TNS3: variants seen among roughly 807,000 people sequenced by gnomAD.
TNS3 encodes tensin-3.
TNS3 carries 45 observed loss-of-function variants against 140.9 expected under a neutral mutation model. That is an observed-to-expected ratio of 0.32 (90% confidence interval 0.25 to 0.41). The LOEUF (loss-of-function observed/expected upper bound fraction) is 0.41. Among genes scored for constraint, TNS3 ranks in the 10% least tolerant of loss-of-function variants. TNS3 has a pLI of 1.00. For missense variants in TNS3, 1,716 were observed against 1,906.7 expected, an observed-to-expected ratio of 0.90 and a Z score of 1.86; for synonymous variants, 815 against 788.4, an observed-to-expected ratio of 1.03 and a Z score of -0.56.
intron 1 of TNS3, among the ~76,000 whole-genome samples, chr7:47,564,193 CAA>C (rs57005793): frequency 0.058 from 5,641 of 98,010 alleles, 131 homozygotes; most frequent in Middle Eastern, 0.14. Flanking sequence ...GACTCTGTCT[CAA>C]AAAAAAAAAA....
chr7:47,556,494 C>A (rs1056150816), intron 1 of TNS3, among the ~76,000 whole-genome samples: 1 of 152,198 alleles, frequency 6.6e-6, no homozygotes, highest in Non-Finnish European at 1.5e-5. Flanking sequence ...GCATCTGAAG[C>A]TCTGAGGTAG....
intron 16 of TNS3, among the ~76,000 whole-genome samples, chr7:47,389,248 T>C (rs1792365508): frequency 6.6e-6 from 1 of 151,988 alleles, no homozygotes; most frequent in Non-Finnish European, 1.5e-5. Flanking sequence ...AAACAAGCCA[T>C]CCACCTTGTA....
chr7:47,573,684 A>ACC (rs1247594117), intron 1 of TNS3, among the ~76,000 whole-genome samples: 1 of 152,004 alleles, frequency 6.6e-6, no homozygotes, highest in Non-Finnish European at 1.5e-5. Context: ...AGATAGAGCA[A>ACC]CCCACCACCC....
chr7:47,301,240 G>T (rs962459216), intron 23 of TNS3, among the ~76,000 whole-genome samples: 1 of 152,064 alleles, frequency 6.6e-6, no homozygotes, highest in Admixed American at 6.5e-5. Flanking sequence ...CCTCCACCAG[G>T]TGGCCACCGG....
chr7:47,399,189 G>A (rs767678162), intron 15 of TNS3, among the ~76,000 whole-genome samples: 6 of 150,468 alleles, frequency 4.0e-5, no homozygotes, highest in Non-Finnish European at 7.4e-5. Flanking sequence ...ACACAAACAA[G>A]TGGAAACACA....
chr7:47,326,658 T>C (rs1788040474), intron 20 of TNS3, among the ~76,000 whole-genome samples: 1 of 152,098 alleles, frequency 6.6e-6, no homozygotes, highest in South Asian at 2.1e-4. Context: ...CAAAATTCTT[T>C]TAATCTCACC....
chr7:47,545,792 G>A (rs1202925074), intron 1 of TNS3, among the ~76,000 whole-genome samples: 1 of 152,194 alleles, frequency 6.6e-6, no homozygotes, highest in Non-Finnish European at 1.5e-5. Flanking sequence ...GGGTAATGAA[G>A]CCCTAGGGGA....
intron 24 of TNS3, among the ~76,000 whole-genome samples, chr7:47,294,125 C>A (rs1473493478): frequency 6.6e-6 from 1 of 152,086 alleles, no homozygotes; most frequent in Non-Finnish European, 1.5e-5. Flanking sequence ...GCAAGAATCC[C>A]CAACGAAGGG....
chr7:47,579,688 T>A (rs1784484272), intron 1 of TNS3: 3 of 225,896 alleles, frequency 1.3e-5, no homozygotes, highest in Admixed American at 6.5e-5. Flanking sequence ...GCACATAGAG[T>A]CAGAGAACTG....
chr7:47,452,955 C>T (rs1562761252), intron 4 of TNS3: 1 of 985,524 alleles, frequency 1.0e-6, no homozygotes, highest in East Asian at 1.1e-4. Flanking sequence ...GGGCAGGGAC[C>T]ACCGGCCAGG....
intron 17 of TNS3, among the ~76,000 whole-genome samples, chr7:47,347,422 G>C (rs969358098): frequency 3.3e-5 from 5 of 152,146 alleles, no homozygotes; most frequent in African/African-American, 4.8e-5. Context: ...GCATGATAAA[G>C]AGAAGGTTCC....
At chr7:47,281,890 C>T (rs1023978443) in intron 28 of TNS3, among the ~76,000 whole-genome samples, 6 of 151,402 alleles carry the variant, frequency 4.0e-5, no homozygotes, top group Admixed American at 3.9e-4. Context: ...GCTATGCCTC[C>T]AGACCCTGAG....
chr7:47,473,771 C>T (rs1202594189), intron 4 of TNS3, among the ~76,000 whole-genome samples: 2 of 152,198 alleles, frequency 1.3e-5, no homozygotes, highest in African/African-American at 2.4e-5. Context: ...TCACTGGATG[C>T]TCAGCTCACT....
At chr7:47,521,593 G>A (rs1049646236) in intron 2 of TNS3, among the ~76,000 whole-genome samples, 2 of 152,166 alleles carry the variant, frequency 1.3e-5, no homozygotes, top group Admixed American at 6.5e-5. Flanking sequence ...GAGGGAAAAG[G>A]GCAGATGCTA....
chr7:47,420,263 G>T (rs1794303437), intron 10 of TNS3, among the ~76,000 whole-genome samples: 1 of 152,176 alleles, frequency 6.6e-6, no homozygotes, highest in South Asian at 2.1e-4. Context: ...CTTTCCGCAC[G>T]CACTAGGAGA....
At position 47,495,752 on chromosome 7, in the gene TNS3, T is replaced by A. The variant is rs1453931884; in HGVS notation, c.-115+11155A>T. Among the ~76,000 whole-genome samples the A allele has an allele frequency of 2.0e-5, 3 of 152,140 alleles. No homozygotes were observed. The East Asian group carries it at 5.8e-4, about 29-fold the overall frequency. ...TTGCTAGATGCCAGGGTGGGTGGCA[T>A]CCATGTGGAAGAATGACTGTAGTAG... On this transcript the variant is annotated intron_variant, in intron 3 of 30. Transcript: ENST00000311160.
At chr7:47,399,023 A>G (rs1792993438) in intron 15 of TNS3, among the ~76,000 whole-genome samples, 1 of 150,310 alleles carries the variant, frequency 6.7e-6, no homozygotes, top group Non-Finnish European at 1.5e-5. Context: ...ACTGCTGTAC[A>G]CCAACAATGA....
chr7:47,452,860 G>C (rs1796078793), intron 4 of TNS3: 8 of 931,244 alleles, frequency 8.6e-6, no homozygotes, highest in Admixed American at 6.2e-5. Context: ...CACAGAGGAG[G>C]GTGGCCAGGG....
At chr7:47,573,048 G>A (rs1409976734) in intron 1 of TNS3, among the ~76,000 whole-genome samples, 1 of 152,158 alleles carries the variant, frequency 6.6e-6, no homozygotes, top group African/African-American at 2.4e-5. Context: ...GTGTGGCCCA[G>A]GCTTGGGAAA....
Sources: gnomAD v4.1 joint callset for allele counts (sites outside exome capture counted in the v4.1 genomes callset) on GRCh38, gnomAD v4.1.1 for gene constraint, MANE v1.5 for transcripts, NCBI Gene and HGNC (gene_info 2026-07-23, HGNC 2026-07-21) for gene names.